DHRS7B: variants seen among roughly 807,000 people sequenced by gnomAD.
The protein encoded by DHRS7B is peroxisomal reductase activating PPAR-gamma.
In DHRS7B, 24 loss-of-function variants were observed where a neutral mutation model predicts 26.4. That is an observed-to-expected ratio of 0.91 (90% CI 0.66 to 1.28). The LOEUF is 1.28. Among genes scored for constraint, DHRS7B ranks in the 50% most tolerant of loss-of-function variants. The pLI is 0.00. For synonymous variants in DHRS7B, 142 were observed against 166.4 expected (o/e 0.85, Z 1.13); for missense variants, 368 against 419.4 (o/e 0.88, Z 1.07).
At chr17:21,182,775 G>A (rs554467314) in intron 3 of DHRS7B, among the ~76,000 whole-genome samples, 4 of 152,244 alleles carry the variant, frequency 2.6e-5, no homozygotes, top group South Asian at 2.1e-4. Context: ...CTTTTAATAC[G>A]CTGTTAAATT....
At chr17:21,167,864 G>A (rs1024506076) in intron 1 of DHRS7B, among the ~76,000 whole-genome samples, 1 of 152,148 alleles carries the variant, frequency 6.6e-6, no homozygotes, top group South Asian at 2.1e-4. Flanking sequence ...ATATATTAAA[G>A]TTTATACATA....
intron 1 of DHRS7B, among the ~76,000 whole-genome samples, chr17:21,142,538 C>T (rs1973540421): frequency 6.6e-6 from 1 of 152,172 alleles, no homozygotes; most frequent in Admixed American, 6.5e-5. Context: ...GTCCTGAAGA[C>T]ATGTGCCCAA....
At chr17:21,170,046 C>G (rs1332096134) in intron 1 of DHRS7B, among the ~76,000 whole-genome samples, 3 of 152,230 alleles carry the variant, frequency 2.0e-5, no homozygotes, top group Non-Finnish European at 4.4e-5. Context: ...GCCCCCACCC[C>G]TCAACCAGCT....
chr17:21,168,635 C>G, intron 1 of DHRS7B: 1 of 820,400 alleles, frequency 1.2e-6, no homozygotes, highest in Non-Finnish European at 1.5e-6. Flanking sequence ...TCCCAAAGTG[C>G]TGGAATTACA....
chr17:21,182,065 GT>G (rs1261718966), intron 3 of DHRS7B, among the ~76,000 whole-genome samples: 1 of 152,054 alleles, frequency 6.6e-6, no homozygotes, highest in Non-Finnish European at 1.5e-5. Flanking sequence ...TTATCTGTGG[GT>G]TTTTCATAAA....
At chr17:21,145,528 A>G (rs1261812034) in intron 1 of DHRS7B, among the ~76,000 whole-genome samples, 1 of 152,240 alleles carries the variant, frequency 6.6e-6, no homozygotes, top group Non-Finnish European at 1.5e-5. Flanking sequence ...GGAATTTTAA[A>G]AGGTCACTTC....
chr17:21,188,781 T>C lies in DHRS7B; in HGVS notation c.690T>C (p.Ile230=), dbSNP rs1300963291. The change falls in exon 6 of 7, where the codon ATT becomes ATC. Residue 230 remains isoleucine (I), a synonymous_variant. Coordinates refer to ENST00000395511, the MANE Select transcript of DHRS7B (RefSeq NM_015510.5). ...GTGCCGAGATGGAACAGTATGAAAT[T>C]GAGGTGACCGTCATCAGCCCCGGCT... is the stretch of plus-strand genomic sequence containing the variant. ...CLRAEMEQYE[I]EVTVISPGYI... is the part of the protein sequence containing the mutation. 1.2e-6 allele frequency: 2 copies of C among 1,613,874 alleles called. No homozygotes were observed. Among genetic ancestry groups the C allele is most frequent in the East Asian group, 4.5e-5 (2 of 44,882 alleles).
chr17:21,167,505 AC>A (rs1974140901), intron 1 of DHRS7B, among the ~76,000 whole-genome samples: 1 of 152,212 alleles, frequency 6.6e-6, no homozygotes, highest in Admixed American at 6.5e-5. Flanking sequence ...TTGCCCAAGG[AC>A]TAAGAGTGTG....
At chr17:21,179,508 C>T (rs1029249950) in intron 3 of DHRS7B, among the ~76,000 whole-genome samples, 16 of 152,038 alleles carry the variant, frequency 1.1e-4, no homozygotes, top group Admixed American at 9.8e-4. Context: ...GCTGAGGCAG[C>T]AGAATCACTT....
chr17:21,177,646 T>C (rs1409311489), intron 2 of DHRS7B, among the ~76,000 whole-genome samples: 1 of 152,182 alleles, frequency 6.6e-6, no homozygotes, highest in Non-Finnish European at 1.5e-5. Context: ...GTGAGGTTGT[T>C]AGACCCTCCA....
intron 1 of DHRS7B, among the ~76,000 whole-genome samples, chr17:21,138,784 C>T (rs1973425305): frequency 6.6e-6 from 1 of 151,834 alleles, no homozygotes; most frequent in South Asian, 2.1e-4. Context: ...GTTTTTTTAG[C>T]AAGAATGTTT....
intron 1 of DHRS7B, among the ~76,000 whole-genome samples, chr17:21,163,193 C>CAA (rs66531165): frequency 0.34 from 49,760 of 145,006 alleles, 8,611 homozygotes; most frequent in Middle Eastern, 0.39. Flanking sequence ...AAGACTGTCT[C>CAA]AAAAAAAAAA....
At chr17:21,161,778 C>T (rs79137965) in intron 1 of DHRS7B, among the ~76,000 whole-genome samples, 1,528 of 152,186 alleles carry the variant, frequency 0.01, 26 homozygotes, top group African/African-American at 0.035. Flanking sequence ...TGATAGGGCA[C>T]CTGCTAGGCT....
chr17:21,129,111 C>A (rs1973170928), intron 1 of DHRS7B, among the ~76,000 whole-genome samples: 1 of 152,056 alleles, frequency 6.6e-6, no homozygotes, highest in Non-Finnish European at 1.5e-5. Flanking sequence ...AAGCCCCTGT[C>A]TTTAAATTGC....
intron 1 of DHRS7B, among the ~76,000 whole-genome samples, chr17:21,156,459 G>C (rs1371663015): frequency 6.6e-6 from 1 of 151,142 alleles, no homozygotes; most frequent in African/African-American, 2.4e-5. Flanking sequence ...ACAAAAGTTA[G>C]CCAGGCATGG....
At chr17:21,138,101 T>TACACACACACACACACAC (rs370861401) in intron 1 of DHRS7B, among the ~76,000 whole-genome samples, 15 of 86,102 alleles carry the variant, frequency 1.7e-4, no homozygotes, top group African/African-American at 2.3e-4. Flanking sequence ...TATATATATA[T>TACACACACACACACACAC]ACACACACAC....
intron 1 of DHRS7B, among the ~76,000 whole-genome samples, chr17:21,148,921 C>A (rs1973700256): frequency 6.6e-6 from 1 of 152,058 alleles, no homozygotes; most frequent in Non-Finnish European, 1.5e-5. Flanking sequence ...GAAATAACAA[C>A]AGAAAACTTT....
At chr17:21,175,870 G>T (rs1367709557) in intron 2 of DHRS7B, among the ~76,000 whole-genome samples, 1 of 147,694 alleles carries the variant, frequency 6.8e-6, no homozygotes, top group Non-Finnish European at 1.5e-5. Flanking sequence ...TGAGGCTGCA[G>T]AGAGCCATGA....
intron 1 of DHRS7B, among the ~76,000 whole-genome samples, chr17:21,150,074 C>T (rs1973728491): frequency 7.4e-6 from 1 of 135,794 alleles, no homozygotes; most frequent in African/African-American, 3.0e-5. Flanking sequence ...CAAGACCAGC[C>T]TGGGCAACAT....
Sources: gnomAD v4.1 joint callset for allele counts (sites outside exome capture counted in the v4.1 genomes callset) on GRCh38, gnomAD v4.1.1 for gene constraint, MANE v1.5 for transcripts, NCBI Gene and HGNC (gene_info 2026-07-23, HGNC 2026-07-21) for gene names.